The following PIK3C2G variants were observed in gnomAD, a reference collection of about 807,000 sequenced individuals.
PIK3C2G encodes phosphatidylinositol 3-kinase C2 domain-containing subunit gamma.
A neutral mutation model predicts 181.1 loss-of-function variants in PIK3C2G; 168 were observed. That is an observed-to-expected ratio of 0.93 (90% confidence interval 0.82 to 1.05). The LOEUF (loss-of-function observed/expected upper bound fraction) is 1.05, where lower values mean the gene tolerates loss of function less well. Ranked by LOEUF, PIK3C2G falls within the 50% of genes least tolerant of loss-of-function variation. The pLI is 0.00. For missense variants in PIK3C2G, 1,869 were observed against 1,732.8 expected (o/e 1.08, Z -1.40); for synonymous variants, 573 against 592.2 (o/e 0.97, Z 0.47).
chr12:18,245,823 T>C (rs1259346755), upstream of PIK3C2G, among the ~76,000 whole-genome samples: 2 of 152,172 alleles, frequency 1.3e-5, no homozygotes, highest in East Asian at 3.9e-4. Flanking sequence ...TTCATTACCA[T>C]ATTTTTTTAT....
chr12:18,718,151 T>G, the PIK3C2G span, among the ~76,000 whole-genome samples: 4 of 152,180 alleles, frequency 2.6e-5, no homozygotes, highest in Non-Finnish European at 5.9e-5. Flanking sequence ...AGATTAGATA[T>G]ACTAAATGCA....
chr12:18,284,941 G>A (rs1268560656), intron 2 of PIK3C2G, among the ~76,000 whole-genome samples: 2 of 151,950 alleles, frequency 1.3e-5, no homozygotes. Flanking sequence ...AGAAAAATAG[G>A]GAGCAAAATT....
Position 18,563,352 on chromosome 12 carries a change from AT to A in PIK3C2G, c.3781-22del, listed in dbSNP as rs757950541. 140 of 1,587,468 alleles carry A rather than the reference AT, an allele frequency of 8.8e-5. No homozygotes were observed. The African/African-American group carries it at 1.6e-3, about 18-fold the overall frequency. On this transcript the variant is annotated intron_variant, in intron 27 of 32. Transcript: ENST00000538779. ...CACAGGCTGATATTGCCATCTTTTG[AT>A]TTCTATCTATTTACTTTCTGCAGCT...
intron 18 of PIK3C2G, among the ~76,000 whole-genome samples, chr12:18,462,043 C>T (rs1014807732): frequency 3.9e-5 from 6 of 152,164 alleles, no homozygotes; most frequent in Admixed American, 6.5e-5. Context: ...ATTGGGTCCA[C>T]CCAGGAAAAT....
chr12:18,497,805 G>C (rs188816444), intron 22 of PIK3C2G, 57 bp downstream of exon 22: 2 of 1,353,968 alleles, frequency 1.5e-6, no homozygotes, highest in Non-Finnish European at 2.0e-6. Flanking sequence ...ACATTCACTA[G>C]TAATAGGCTA....
intron 1 of PIK3C2G, among the ~76,000 whole-genome samples, chr12:18,266,095 C>T (rs1299121005): frequency 3.4e-5 from 5 of 147,646 alleles, no homozygotes; most frequent in African/African-American, 1.2e-4. Flanking sequence ...CTATTAACTG[C>T]TTATATTTAT....
chr12:18,244,752 A>G (rs887983914), upstream of PIK3C2G, among the ~76,000 whole-genome samples: 4 of 152,102 alleles, frequency 2.6e-5, no homozygotes, highest in African/African-American at 9.6e-5. Context: ...GACACTTATA[A>G]TATTTTTCTA....
intron 1 of PIK3C2G, among the ~76,000 whole-genome samples, chr12:18,250,049 A>G (rs536577847): frequency 3.9e-5 from 6 of 152,194 alleles, no homozygotes; most frequent in South Asian, 2.1e-4. Context: ...AGCTCACTCA[A>G]TGTAACCAGA....
the PIK3C2G span, chr12:18,695,051 C>G: frequency 2.5e-6 from 4 of 1,613,050 alleles, no homozygotes; most frequent in South Asian, 1.1e-5. Flanking sequence ...GATCCATGGG[C>G]AGACCAGGGG....
At chr12:18,268,047 T>G (rs1166243229) in intron 1 of PIK3C2G, among the ~76,000 whole-genome samples, 1 of 152,212 alleles carries the variant, frequency 6.6e-6, no homozygotes, top group Non-Finnish European at 1.5e-5. Context: ...GATCCGACCC[T>G]ATATCTCCCA....
intron 5 of PIK3C2G, among the ~76,000 whole-genome samples, chr12:18,300,390 T>C (rs1950123929): frequency 6.6e-6 from 1 of 152,170 alleles, no homozygotes. Flanking sequence ...TTGTCTCTTT[T>C]GTATTGTTTT....
chr12:18,522,771 T>C (rs956800169), intron 24 of PIK3C2G, among the ~76,000 whole-genome samples: 3 of 152,114 alleles, frequency 2.0e-5, no homozygotes, highest in Non-Finnish European at 2.9e-5. Context: ...CTGAACATTG[T>C]CATCTTTCCT....
chr12:18,255,252 T>C lies in PIK3C2G; in HGVS notation c.-79+7170T>C, dbSNP rs4586223. Among the ~76,000 whole-genome samples, 1,257 of 143,656 alleles carry C rather than the reference T, an allele frequency of 8.8e-3. 4 individuals carry two copies. Among genetic ancestry groups the C allele is most frequent in the African/African-American group, 0.012 (461 of 38,218 alleles). 94.2% of individuals were successfully genotyped at this position (143,656 alleles called of 152,430 possible). A position where few individuals can be genotyped will look rare whatever the true frequency, so the allele number is the denominator to read the frequency against. ...ATAAATAAATAAATAAATAAATAAATAAACAAACAAACAAACAAATAAATG... is the reference window on the plus strand; with the variant it reads ...ATAAATAAATAAATAAATAAATAAACAAACAAACAAACAAACAAATAAATG... On this transcript the variant is annotated intron_variant, in intron 1 of 11. Coordinates refer to the PIK3C2G transcript ENST00000535651.
At chr12:18,250,888 A>C (rs2136950849) in intron 1 of PIK3C2G, among the ~76,000 whole-genome samples, 1 of 152,136 alleles carries the variant, frequency 6.6e-6, no homozygotes, top group Non-Finnish European at 1.5e-5. Flanking sequence ...CTCAAAATAT[A>C]CGTAAAATCA....
intron 11 of PIK3C2G, among the ~76,000 whole-genome samples, chr12:18,347,843 C>T (rs11044043): frequency 0.12 from 17,644 of 151,736 alleles, 1,382 homozygotes; most frequent in Admixed American, 0.25. Flanking sequence ...AAAAATCAAT[C>T]TTTATCTTGA....
At chr12:18,627,993 T>C (rs1354785146) in intron 31 of PIK3C2G, among the ~76,000 whole-genome samples, 1 of 152,216 alleles carries the variant, frequency 6.6e-6, no homozygotes, top group African/African-American at 2.4e-5. Context: ...AAGTTTCCAA[T>C]GCATCTGATA....
At chr12:18,666,244 A>G in the PIK3C2G span, among the ~76,000 whole-genome samples, 1 of 151,740 alleles carries the variant, frequency 6.6e-6, no homozygotes, top group Non-Finnish European at 1.5e-5. Context: ...GTCTTTTTAT[A>G]TCTTTAATTT....
chr12:18,324,084 G>A (rs1010691816), intron 7 of PIK3C2G, among the ~76,000 whole-genome samples: 3 of 152,086 alleles, frequency 2.0e-5, no homozygotes, highest in Non-Finnish European at 4.4e-5. Context: ...GCCGGGCGTG[G>A]TGGCGGGCGC....
In PIK3C2G at chr12:18,632,412, G is replaced by T. The variant is rs1012718619; in HGVS notation, c.4183-8017G>T. On this transcript the variant is annotated intron_variant, in intron 31 of 32. Transcript: ENST00000538779. ...GAGGAAACATCCAATGAAAAGTTAA[G>T]ATACCTGCTGTATTAGGGTTCACCA... 2.0e-5 allele frequency among the ~76,000 whole-genome samples: 3 copies of T among 152,082 alleles called. No individual in the cohort carries two copies. The East Asian group carries it at 5.8e-4, about 29-fold the overall frequency.
Sources: gnomAD v4.1 joint callset for allele counts (sites outside exome capture counted in the v4.1 genomes callset) on GRCh38, gnomAD v4.1.1 for gene constraint, MANE v1.5 for transcripts, NCBI Gene and HGNC (gene_info 2026-07-23, HGNC 2026-07-21) for gene names.